The following LITAF variants were observed in gnomAD, a reference collection of about 807,000 sequenced individuals.
The protein encoded by LITAF is lipopolysaccharide-induced tumor necrosis factor-alpha factor.
A neutral mutation model predicts 14.5 loss-of-function variants in LITAF; 9 were observed. The ratio of observed to expected loss-of-function variants is 0.62; its 90% CI spans 0.37 to 1.08. The LOEUF (loss-of-function observed/expected upper bound fraction) is 1.08, where lower values mean the gene tolerates loss of function less well. LITAF is among the 50% of genes least tolerant of loss of function. The probability of loss-of-function intolerance (pLI) is 0.01; values close to 1 mark genes in which losing one functional copy is unlikely to be tolerated. For missense variants in LITAF, 206 were observed against 213.4 expected (o/e 0.97, Z 0.22); for synonymous variants, 98 against 88.2 (o/e 1.11, Z -0.62).
intron 1 of LITAF, among the ~76,000 whole-genome samples, chr16:11,566,696 C>T (rs1042987624): frequency 1.3e-5 from 2 of 152,020 alleles, no homozygotes; most frequent in Non-Finnish European, 2.9e-5. Context: ...CACTTGAGCC[C>T]AGGAGGTTGA....
chr16:11,549,750 G>A lies in LITAF; in HGVS notation c.378-5C>T. ...AAGCAGCAGCCCGCTATGCACCTGG[G>A]AGGAGAGAGAGACACACGGAGCGCG... On this transcript the variant is annotated splice_region_variant and splice_polypyrimidine_tract_variant and intron_variant, in intron 3 of 3. Transcript: ENST00000622633. This position sits in a 1 kb window ranked among gnomAD's most constrained non-coding sequence, Gnocchi z 4.6. The A allele has an allele frequency of 6.2e-7, 1 of 1,609,988 alleles. No individual in the cohort carries two copies. The highest frequency in any genetic ancestry group is 8.5e-7 in the Non-Finnish European group (1 of 1,177,490).
chr16:11,561,700 G>C (rs1232083321), intron 1 of LITAF: 1 of 152,056 alleles, frequency 6.6e-6, no homozygotes, highest in Non-Finnish European at 1.5e-5. Context: ...ATGCCACCAC[G>C]GTTAGTCCCA....
chr16:11,602,849 G>A (rs1209843385), upstream of LITAF, among the ~76,000 whole-genome samples: 3 of 151,596 alleles, frequency 2.0e-5, no homozygotes, highest in Non-Finnish European at 4.4e-5. Flanking sequence ...ACTGACTCAC[G>A]CCTATAATCT....
rs2065124252 is a variant in LITAF at position 11,632,806 on chromosome 16, CGT to C, written c.85+725_85+726del. On this transcript the variant is annotated intron_variant, in intron 3 of 3. Transcript: ENST00000574848. The surrounding 1 kb of genome is among the most constrained non-coding windows in gnomAD (Gnocchi z 4.8). ...AGCCCCCGCACGGGTCAGAGTTTTCCGTGTGCCGCCTCCTCGTCCTTCTTCTT... is the reference window on the plus strand; with the variant it reads ...AGCCCCCGCACGGGTCAGAGTTTTCCGTGCCGCCTCCTCGTCCTTCTTCTT... Among the ~76,000 whole-genome samples, 1 of 151,974 alleles carries C rather than the reference CGT, an allele frequency of 6.6e-6. No individual in the cohort carries two copies. The highest frequency in any genetic ancestry group is 2.4e-5 in the African/African-American group (1 of 41,224).
At chr16:11,614,101 G>C (rs2065001700) in intron 3 of LITAF, among the ~76,000 whole-genome samples, 1 of 152,050 alleles carries the variant, frequency 6.6e-6, no homozygotes, top group African/African-American at 2.4e-5. Context: ...GGATGTCCTA[G>C]TCTCTCTCAC....
chr16:11,620,022 G>T (rs1282354449), intron 3 of LITAF, among the ~76,000 whole-genome samples: 1 of 151,982 alleles, frequency 6.6e-6, no homozygotes, highest in Non-Finnish European at 1.5e-5. Context: ...ACAAAAATTA[G>T]CCAGGTGTGG....
chr16:11,563,618 C>A (rs565953025), intron 1 of LITAF, among the ~76,000 whole-genome samples: 121 of 152,210 alleles, frequency 7.9e-4, no homozygotes, highest in Admixed American at 1.8e-3. Flanking sequence ...AAAATACCTG[C>A]CAATGATGGG....
intron 3 of LITAF, among the ~76,000 whole-genome samples, chr16:11,617,777 C>G (rs938729361): frequency 1.3e-5 from 2 of 152,000 alleles, no homozygotes; most frequent in African/African-American, 4.8e-5. Flanking sequence ...AGGGACAACG[C>G]CATCTCTTGA....
At position 11,555,630 on chromosome 16, in the gene LITAF, AC is replaced by A. The variant is rs1208278780; in HGVS notation, c.220+880del. The stretch of plus-strand genomic sequence containing the variant: ...GCCATGACTGCACCACTGCACTCCA[AC>A]CTGGGCAACATGGTGAGACCCTGTC... On this transcript the variant is annotated intron_variant, in intron 2 of 3. Coordinates refer to ENST00000622633, the MANE Select transcript of LITAF (RefSeq NM_001136472.2). Among the ~76,000 whole-genome samples, 9 of 150,882 alleles carry A rather than the reference AC, an allele frequency of 6.0e-5. No individual in the cohort carries two copies. The South Asian group carries it at 1.7e-3, about 28-fold the overall frequency.
intron 3 of LITAF, among the ~76,000 whole-genome samples, chr16:11,612,468 C>T (rs941159681): frequency 6.6e-6 from 1 of 152,240 alleles, no homozygotes; most frequent in Non-Finnish European, 1.5e-5. Flanking sequence ...TTGGGCAACT[C>T]CCAGCAGGTT....
chr16:11,560,339 G>A (rs927253706), intron 1 of LITAF, among the ~76,000 whole-genome samples: 1 of 150,388 alleles, frequency 6.6e-6, no homozygotes, highest in Non-Finnish European at 1.5e-5. Context: ...GGCCAGGCAC[G>A]GTGGCTCATG....
At chr16:11,570,568 G>A (rs757381455) in intron 1 of LITAF, among the ~76,000 whole-genome samples, 9 of 152,216 alleles carry the variant, frequency 5.9e-5, no homozygotes, top group East Asian at 1.9e-4. Flanking sequence ...ATCCCTGGAA[G>A]CTCTGAATAT....
At chr16:11,561,955 A>G (rs962834775) in intron 1 of LITAF, among the ~76,000 whole-genome samples, 2 of 151,786 alleles carry the variant, frequency 1.3e-5, no homozygotes, top group African/African-American at 4.8e-5. Flanking sequence ...GTCTCACTCT[A>G]TTGCCCAGGC....
At chr16:11,635,538 C>T (rs1216236762) in intron 2 of LITAF, among the ~76,000 whole-genome samples, 2 of 152,198 alleles carry the variant, frequency 1.3e-5, no homozygotes, top group Non-Finnish European at 2.9e-5. Flanking sequence ...TACACCAGCT[C>T]ACACACAGGC....
intron 3 of LITAF, among the ~76,000 whole-genome samples, chr16:11,629,423 G>A (rs2065104961): frequency 6.6e-6 from 1 of 152,214 alleles, no homozygotes; most frequent in Non-Finnish European, 1.5e-5. Flanking sequence ...CCAGCTGGAG[G>A]CCTGATCCCA....
chr16:11,576,623 G>A (rs1457437299), intron 1 of LITAF, among the ~76,000 whole-genome samples: 1 of 150,466 alleles, frequency 6.6e-6, no homozygotes, highest in Non-Finnish European at 1.5e-5. Context: ...GGTTCTACAC[G>A]GTCCCAGGCT....
At position 11,634,506 on chromosome 16, in the gene LITAF, A is replaced by G. The variant is rs2065130668; in HGVS notation, c.-20-869T>C. Among the ~76,000 whole-genome samples, 1 of 152,090 alleles carries G rather than the reference A, an allele frequency of 6.6e-6. No individual in the cohort carries two copies. ...GGCCACAAGATTTGCAACTTCCCCT[A>G]TTGCCCCTGCAGATAACATCACTAT... On this transcript the variant is annotated intron_variant, in intron 2 of 3. Transcript: ENST00000574848. The surrounding 1 kb of genome is among the most constrained non-coding windows in gnomAD (Gnocchi z 4.1).
At chr16:11,557,120 C>T (rs1278503621) in intron 1 of LITAF, among the ~76,000 whole-genome samples, 1 of 149,214 alleles carries the variant, frequency 6.7e-6, no homozygotes, top group Non-Finnish European at 1.5e-5. Flanking sequence ...CTGTGGTTTT[C>T]ACTAACTGTT....
intron 3 of LITAF, among the ~76,000 whole-genome samples, chr16:11,608,754 G>C (rs2064967291): frequency 6.6e-6 from 1 of 152,144 alleles, no homozygotes; most frequent in South Asian, 2.1e-4. Flanking sequence ...TCTGAGATCA[G>C]GAGTTCGAGA....
Sources: gnomAD v4.1 joint callset for allele counts (sites outside exome capture counted in the v4.1 genomes callset) on GRCh38, gnomAD v4.1.1 for gene constraint, Gnocchi (gnomAD v3.1) non-coding constraint, MANE v1.5 for transcripts, NCBI Gene and HGNC (gene_info 2026-07-23, HGNC 2026-07-21) for gene names.